The following NTNG1 variants were observed in gnomAD, a reference collection of about 807,000 sequenced individuals.
The protein encoded by NTNG1 is netrin-G1.
Under a neutral mutation model 54.0 loss-of-function variants are expected in NTNG1, and 16 were observed. The ratio of observed to expected loss-of-function variants is 0.30; its 90% confidence interval spans 0.20 to 0.45. NTNG1 has a LOEUF of 0.45. NTNG1 is among the 20% of genes least tolerant of loss of function. NTNG1 has a pLI of 1.00. For synonymous variants in NTNG1, 255 were observed against 263.1 expected, an observed-to-expected ratio of 0.97 and a Z score of 0.30; for missense variants, 530 against 678.7, an observed-to-expected ratio of 0.78 and a Z score of 2.43.
chr1:107,272,119 C>A (rs982200222), intron 2 of NTNG1, among the ~76,000 whole-genome samples: 1 of 152,038 alleles, frequency 6.6e-6, no homozygotes, highest in African/African-American at 2.4e-5. Context: ...TATCGAGCAC[C>A]TCGTTGTGTC....
intron 3 of NTNG1, among the ~76,000 whole-genome samples, chr1:107,353,506 A>G (rs569989699): frequency 2.0e-5 from 3 of 152,220 alleles, no homozygotes; most frequent in African/African-American, 4.8e-5. Context: ...TTCATTGTCC[A>G]TATCACTATT....
At chr1:107,327,376 A>G (rs189759296) in intron 3 of NTNG1, among the ~76,000 whole-genome samples, 5 of 152,264 alleles carry the variant, frequency 3.3e-5, no homozygotes, top group East Asian at 1.9e-4. Context: ...ATGTTGAGCT[A>G]TAGTCTGGTT....
intron 3 of NTNG1, among the ~76,000 whole-genome samples, chr1:107,386,464 A>T (rs1276433694): frequency 6.6e-6 from 1 of 151,608 alleles, no homozygotes; most frequent in Non-Finnish European, 1.5e-5. Flanking sequence ...GTGTGCCACC[A>T]CTCCTGGCAG....
At chr1:107,329,199 T>C (rs1668132321) in intron 3 of NTNG1, among the ~76,000 whole-genome samples, 1 of 152,180 alleles carries the variant, frequency 6.6e-6, no homozygotes, top group African/African-American at 2.4e-5. Context: ...CAAAACTTTT[T>C]GGTGCCATCT....
intron 7 of NTNG1, among the ~76,000 whole-genome samples, chr1:107,463,439 G>T (rs1677402338): frequency 6.6e-6 from 1 of 151,790 alleles, no homozygotes; most frequent in South Asian, 2.1e-4. Context: ...AGATTTTGGT[G>T]TAATTCTTTA....
intron 2 of NTNG1, among the ~76,000 whole-genome samples, chr1:107,195,958 C>G (rs1014993297): frequency 6.6e-6 from 1 of 151,334 alleles, no homozygotes; most frequent in Non-Finnish European, 1.5e-5. Context: ...AACACTGTAT[C>G]TTTTATTTAC....
chr1:107,457,258 TGTA>T (rs1677006436), intron 7 of NTNG1, among the ~76,000 whole-genome samples: 1 of 152,230 alleles, frequency 6.6e-6, no homozygotes, highest in Admixed American at 6.5e-5. Context: ...CAGCTTATTT[TGTA>T]GTATGAATTT....
intron 7 of NTNG1, among the ~76,000 whole-genome samples, chr1:107,437,979 A>G (rs1043634555): frequency 6.6e-6 from 1 of 152,200 alleles, no homozygotes; most frequent in African/African-American, 2.4e-5. Context: ...GCCAATTTCT[A>G]TAGAAAACTG....
intron 3 of NTNG1, among the ~76,000 whole-genome samples, chr1:107,327,633 CA>C (rs1315694565): frequency 6.6e-6 from 1 of 151,886 alleles, no homozygotes; most frequent in Non-Finnish European, 1.5e-5. Flanking sequence ...GAAATGATTG[CA>C]ACATTTAACA....
At chr1:107,293,961 AT>A (rs1296657871) in intron 2 of NTNG1, among the ~76,000 whole-genome samples, 1 of 151,188 alleles carries the variant, frequency 6.6e-6, no homozygotes, top group African/African-American at 2.4e-5. Context: ...TTTGTTTTTT[AT>A]TTTGTTTCCA....
intron 3 of NTNG1, among the ~76,000 whole-genome samples, chr1:107,358,795 G>C (rs1334964856): frequency 6.6e-6 from 1 of 152,154 alleles, no homozygotes; most frequent in Non-Finnish European, 1.5e-5. Flanking sequence ...ACCCTGCTGT[G>C]AGGACAGCTT....
At chr1:107,352,196 T>C (rs185908915) in intron 3 of NTNG1, among the ~76,000 whole-genome samples, 34 of 152,336 alleles carry the variant, frequency 2.2e-4, no homozygotes, top group African/African-American at 7.7e-4. Flanking sequence ...ACAGTGGCCC[T>C]CTTCTCACAG....
rs1375003847 is a variant in NTNG1 at position 107,163,114 on chromosome 1, C to T, written c.246+14275C>T. On this transcript the variant is annotated intron_variant, in intron 2 of 7. Coordinates refer to ENST00000370068, the MANE Select transcript of NTNG1 (RefSeq NM_001113226.3). ...TAAAAGTAGCAATGATAAGTCTTTA[C>T]ATTTCTTTATGACCTCATAAAAAAG... Among the ~76,000 whole-genome samples the T allele has an allele frequency of 3.1e-4, 47 of 152,118 alleles. 1 individual carries two copies. The highest frequency in any genetic ancestry group is 1.5e-5 in the Non-Finnish European group (1 of 68,006).
rs1167337062 is a variant in NTNG1 at position 107,484,425 on chromosome 1, T to G, written c.*3585T>G. 6.6e-6 allele frequency among the ~76,000 whole-genome samples: 1 copy of G among 152,150 alleles called. No individual in the cohort carries two copies. The highest frequency in any genetic ancestry group is 6.5e-5 in the Admixed American group (1 of 15,272). ...CAGGATGGAAGATAATTTAACAGTT[T>G]GTTAGCTTTATGTATGACTTTTAAA... is the stretch of plus-strand genomic sequence containing the variant. On this transcript the variant is annotated 3_prime_UTR_variant, in exon 8 of 8. Transcript: ENST00000370068.
At chr1:107,240,118 G>A (rs1661721319) in intron 2 of NTNG1, among the ~76,000 whole-genome samples, 1 of 151,998 alleles carries the variant, frequency 6.6e-6, no homozygotes, top group Admixed American at 6.6e-5. Flanking sequence ...ATAGAGAAAT[G>A]CAATTAATGT....
At chr1:107,325,033 T>A in intron 3 of NTNG1, 111 bp downstream of exon 3, 1 of 1,098,494 alleles carries the variant, frequency 9.1e-7, no homozygotes, top group Non-Finnish European at 1.3e-6. Context: ...AACGTTTTCT[T>A]CAGGAACTCC....
chr1:107,157,744 T>C (rs1655108612), intron 2 of NTNG1, among the ~76,000 whole-genome samples: 1 of 152,068 alleles, frequency 6.6e-6, no homozygotes, highest in African/African-American at 2.4e-5. Context: ...ACTGTAAGAG[T>C]TTTAACTCCT....
intron 3 of NTNG1, among the ~76,000 whole-genome samples, chr1:107,332,870 A>G (rs1308852512): frequency 2.0e-5 from 3 of 152,018 alleles, no homozygotes; most frequent in African/African-American, 7.2e-5. Flanking sequence ...TACTATTTCT[A>G]CCTCCCTTTT....
At chr1:107,428,904 A>AGTATTATT (rs896768705) in intron 5 of NTNG1, among the ~76,000 whole-genome samples, 2 of 152,108 alleles carry the variant, frequency 1.3e-5, no homozygotes, top group Admixed American at 1.3e-4. Context: ...TATTGGTGGT[A>AGTATTATT]GTATTATTAT....
Sources: allele counts gnomAD v4.1 joint callset (sites outside exome capture counted in the v4.1 genomes callset), GRCh38; gene constraint gnomAD v4.1.1; transcripts MANE v1.5; gene names NCBI Gene and HGNC (gene_info 2026-07-23, HGNC 2026-07-21).